Variants in STK32B observed in about 807,000 individuals in gnomAD.
STK32B encodes serine/threonine kinase 32B, also known as serine/threonine-protein kinase 32B.
A neutral mutation model predicts 52.6 loss-of-function variants in STK32B; 43 were observed. The observed-to-expected ratio is 0.82, with a 90% CI of 0.64 to 1.05. STK32B has a LOEUF of 1.05. Among genes scored for constraint, STK32B ranks in the 50% least tolerant of loss-of-function variants. STK32B has a pLI of 0.00. For synonymous variants in STK32B, 238 were observed against 204.3 expected (o/e 1.17, Z -1.41); for missense variants, 621 against 534.6 (o/e 1.16, Z -1.59).
At chr4:5,034,548 G>A in the STK32B span, among the ~76,000 whole-genome samples, 1 of 152,312 alleles carries the variant, frequency 6.6e-6, no homozygotes, top group South Asian at 2.1e-4. Flanking sequence ...ATCTGTCTCA[G>A]CTTTTTCCTT....
intron 3 of STK32B, among the ~76,000 whole-genome samples, chr4:5,273,012 G>A (rs1467847490): frequency 4.4e-5 from 6 of 136,788 alleles, no homozygotes; most frequent in Non-Finnish European, 7.8e-5. Flanking sequence ...AAACTAAAGA[G>A]CTTCTGCACA....
rs185744323 is a variant in STK32B at position 5,386,770 on chromosome 4, C to T, written c.435-11437C>T. 2.1e-3 allele frequency among the ~76,000 whole-genome samples: 316 copies of T among 152,280 alleles called. 4 individuals are homozygous for T. The highest frequency in any genetic ancestry group is 7.2e-3 in the African/African-American group (300 of 41,560). On this transcript the variant is annotated intron_variant, in intron 4 of 11. Transcript: ENST00000282908. The surrounding 1 kb of genome is among the most constrained non-coding windows in gnomAD (Gnocchi z 4.5). ...CATCTGGAAAATGACCAGGTCGTTC[C>T]GGGTGGTGGCTGGACCCTCCATTGG...
intron 1 of STK32B, among the ~76,000 whole-genome samples, chr4:5,080,811 C>A (rs1400895342): frequency 1.3e-5 from 2 of 152,122 alleles, no homozygotes; most frequent in Non-Finnish European, 2.9e-5. Context: ...AACTTGAGAT[C>A]TACTCACTTA....
chr4:5,108,782 G>C (rs967333124), intron 1 of STK32B, among the ~76,000 whole-genome samples: 6 of 152,194 alleles, frequency 3.9e-5, no homozygotes, highest in Admixed American at 1.3e-4. Flanking sequence ...GATGCTGTGA[G>C]TCTGTTGACT....
intron 3 of STK32B, among the ~76,000 whole-genome samples, chr4:5,209,533 C>T (rs983111744): frequency 1.4e-4 from 21 of 152,238 alleles, no homozygotes; most frequent in Admixed American, 3.3e-4. Context: ...CTAGAGCTTA[C>T]GATTTCTTGA....
intron 3 of STK32B, among the ~76,000 whole-genome samples, chr4:5,188,535 A>G (rs1720925489): frequency 6.6e-6 from 1 of 151,926 alleles, no homozygotes; most frequent in Non-Finnish European, 1.5e-5. Context: ...TGCAAGGCAT[A>G]CCCCTTCGCT....
At chr4:5,079,064 TCTCCAAA>T (rs1238743867) in intron 1 of STK32B, among the ~76,000 whole-genome samples, 1 of 152,226 alleles carries the variant, frequency 6.6e-6, no homozygotes, top group Non-Finnish European at 1.5e-5. Flanking sequence ...TAGCAATTCC[TCTCCAAA>T]CTTTTTTTAG....
At chr4:5,355,634 C>T (rs1560347106) in intron 4 of STK32B, among the ~76,000 whole-genome samples, 2 of 152,138 alleles carry the variant, frequency 1.3e-5, no homozygotes, top group African/African-American at 4.8e-5. Context: ...TTAGGTGGAG[C>T]TGTGGCTTCC....
At chr4:5,478,360 G>A (rs972559421) in intron 11 of STK32B, among the ~76,000 whole-genome samples, 2 of 152,102 alleles carry the variant, frequency 1.3e-5, no homozygotes, top group Non-Finnish European at 1.5e-5. Context: ...AATCCCTTGC[G>A]TTTTGCATTT....
chr4:5,157,369 G>A (rs1717944245), intron 2 of STK32B, among the ~76,000 whole-genome samples: 1 of 150,914 alleles, frequency 6.6e-6, no homozygotes, highest in South Asian at 2.1e-4. Flanking sequence ...AGTAGAAGAA[G>A]CAGACTGACA....
intron 6 of STK32B, among the ~76,000 whole-genome samples, chr4:5,442,328 T>G (rs1714864388): frequency 6.6e-6 from 1 of 152,190 alleles, no homozygotes; most frequent in South Asian, 2.1e-4. Flanking sequence ...TTAGCTCTTC[T>G]TGTTGAATTG....
At chr4:5,059,077 T>TTTTTTTTTTTTTTTTTTTA (rs1742120436) in intron 1 of STK32B, among the ~76,000 whole-genome samples, 1 of 128,664 alleles carries the variant, frequency 7.8e-6, no homozygotes, top group Admixed American at 7.8e-5. Flanking sequence ...TTTTTTTTTT[T>TTTTTTTTTTTTTTTTTTTA]TTTTGTAGAG....
chr4:5,414,165 G>A lies in STK32B; in HGVS notation c.473-2680G>A, dbSNP rs1711953608. Among the ~76,000 whole-genome samples the A allele has an allele frequency of 1.3e-5, 2 of 151,852 alleles. 1 individual carries two copies. The highest frequency in any genetic ancestry group is 4.2e-4 in the South Asian group (2 of 4,796). On this transcript the variant is annotated intron_variant, in intron 5 of 11. Transcript: ENST00000282908. ...GAATACTGTGTAACTATAGGTCCAT[G>A]GCTTCTTATCTGAAACCCTTGGGGC...
chr4:5,235,676 G>C (rs1348000980), intron 3 of STK32B, among the ~76,000 whole-genome samples: 2 of 152,188 alleles, frequency 1.3e-5, no homozygotes, highest in East Asian at 3.9e-4. Flanking sequence ...TTGTGGAATG[G>C]AGGCTGCTCA....
intron 1 of STK32B, among the ~76,000 whole-genome samples, chr4:5,104,847 AGTTT>A (rs1019565682): frequency 1.3e-5 from 2 of 152,118 alleles, no homozygotes; most frequent in Non-Finnish European, 2.9e-5. Context: ...ATGTAGCTTT[AGTTT>A]GTTTATTTCC....
At chr4:5,060,306 A>C (rs1165381108) in intron 1 of STK32B, among the ~76,000 whole-genome samples, 4 of 152,192 alleles carry the variant, frequency 2.6e-5, no homozygotes, top group Non-Finnish European at 5.9e-5. Context: ...TATTGACATA[A>C]CATTATTCAT....
At chr4:5,049,490 G>C (rs550239976), upstream of STK32B, among the ~76,000 whole-genome samples, 1 of 152,298 alleles carries the variant, frequency 6.6e-6, no homozygotes, top group South Asian at 2.1e-4. Context: ...CAGTTTTATA[G>C]GATTTGGGTA....
At chr4:5,286,420 T>A (rs1192213744) in intron 3 of STK32B, among the ~76,000 whole-genome samples, 2 of 152,156 alleles carry the variant, frequency 1.3e-5, no homozygotes, top group African/African-American at 4.8e-5. Flanking sequence ...GTGTTCTCCA[T>A]GTAGATCAGT....
chr4:5,358,701 G>GCA (rs59614605), intron 4 of STK32B, among the ~76,000 whole-genome samples: 1,102 of 106,722 alleles, frequency 0.01, 6 homozygotes, highest in Middle Eastern at 0.024. Context: ...TCACACACAT[G>GCA]CACACACACA....
Sources: gnomAD v4.1 joint callset for allele counts (sites outside exome capture counted in the v4.1 genomes callset) on GRCh38, gnomAD v4.1.1 for gene constraint, Gnocchi (gnomAD v3.1) non-coding constraint, MANE v1.5 for transcripts, NCBI Gene and HGNC (gene_info 2026-07-23, HGNC 2026-07-21) for gene names.